The following AK4 variants were observed in gnomAD, a reference collection of about 807,000 sequenced individuals.
AK4 encodes the protein adenylate kinase 4.
A neutral mutation model predicts 24.6 loss-of-function variants in AK4; 13 were observed. The observed-to-expected ratio is 0.53, with a 90% confidence interval of 0.34 to 0.84. The LOEUF (loss-of-function observed/expected upper bound fraction) is 0.84. AK4 is among the 40% of genes least tolerant of loss of function. AK4 has a pLI of 0.01. For synonymous variants in AK4, 88 were observed against 107.0 expected (o/e 0.82, Z 1.10); for missense variants, 192 against 288.2 (o/e 0.67, Z 2.42).
At chr1:65,149,161 C>A (rs951191957) in intron 1 of AK4, 2 of 152,692 alleles carry the variant, frequency 1.3e-5, no homozygotes, top group Non-Finnish European at 2.9e-5. Flanking sequence ...CCCAGCAACT[C>A]CCCCCCCTCC....
At chr1:65,159,899 C>T (rs892527377) in intron 1 of AK4, among the ~76,000 whole-genome samples, 1 of 141,662 alleles carries the variant, frequency 7.1e-6, no homozygotes, top group Non-Finnish European at 1.5e-5. Flanking sequence ...ACCCAGGAGG[C>T]GGAGGTTGTA....
intron 2 of AK4, among the ~76,000 whole-genome samples, chr1:65,201,632 G>A (rs540490314): frequency 7.6e-4 from 116 of 152,280 alleles, no homozygotes; most frequent in African/African-American, 2.7e-3. Flanking sequence ...CAGGAGTGCC[G>A]CACAAATGGT....
chr1:65,152,362 A>ATCTCTC (rs1329529213), intron 1 of AK4, among the ~76,000 whole-genome samples: 4 of 30,792 alleles, frequency 1.3e-4, no homozygotes, highest in African/African-American at 4.0e-4. Flanking sequence ...CTCTCTCTCT[A>ATCTCTC]TATATATATA....
chr1:65,152,385 T>TATA (rs1570055740), intron 1 of AK4, among the ~76,000 whole-genome samples: 1 of 20,652 alleles, frequency 4.8e-5, no homozygotes, highest in Admixed American at 7.3e-4. Flanking sequence ...TATATATATA[T>TATA]TTTTTTTTTT....
At chr1:65,163,286 C>A (rs565887181) in intron 1 of AK4, among the ~76,000 whole-genome samples, 4 of 152,244 alleles carry the variant, frequency 2.6e-5, no homozygotes, top group Admixed American at 1.3e-4. Context: ...AGAAAAACTT[C>A]AGCCAAGTTT....
chr1:65,173,197 G>A (rs1243930477), intron 1 of AK4, among the ~76,000 whole-genome samples: 2 of 152,082 alleles, frequency 1.3e-5, no homozygotes, highest in African/African-American at 4.8e-5. Context: ...AGTCTTGGTC[G>A]TCAGTATTGA....
intron 1 of AK4, among the ~76,000 whole-genome samples, chr1:65,183,311 C>T (rs1419730017): frequency 6.6e-6 from 1 of 151,988 alleles, no homozygotes; most frequent in Admixed American, 6.6e-5. Flanking sequence ...AGTGAAGTGG[C>T]GTTATCTTGG....
chr1:65,189,650 C>G (rs571658270), intron 1 of AK4, among the ~76,000 whole-genome samples: 1 of 135,580 alleles, frequency 7.4e-6, no homozygotes, highest in African/African-American at 2.9e-5. Context: ...AAAACACATA[C>G]GCGTGCACAC....
chr1:65,177,952 C>A (rs1462685569), intron 1 of AK4, among the ~76,000 whole-genome samples: 1 of 142,034 alleles, frequency 7.0e-6, no homozygotes. Flanking sequence ...AAAAAAAAAA[C>A]ATTGCTGCAC....
intron 4 of AK4, among the ~76,000 whole-genome samples, chr1:65,225,072 G>A (rs934662608): frequency 6.6e-6 from 1 of 152,132 alleles, no homozygotes; most frequent in Non-Finnish European, 1.5e-5. Context: ...GAAACTGTTA[G>A]AACATAAGGA....
intron 1 of AK4, among the ~76,000 whole-genome samples, chr1:65,151,654 T>C (rs1649775123): frequency 6.6e-6 from 1 of 152,212 alleles, no homozygotes; most frequent in African/African-American, 2.4e-5. Context: ...TTACCGAGTC[T>C]GTATTAAAGG....
At chr1:65,192,585 C>G (rs1651340409) in intron 2 of AK4, among the ~76,000 whole-genome samples, 1 of 152,184 alleles carries the variant, frequency 6.6e-6, no homozygotes, top group African/African-American at 2.4e-5. Context: ...CTATTAGCCC[C>G]CAAAGTCTTA....
intron 1 of AK4, among the ~76,000 whole-genome samples, chr1:65,187,388 A>C (rs1299721751): frequency 6.6e-6 from 1 of 151,568 alleles, no homozygotes; most frequent in East Asian, 1.9e-4. Flanking sequence ...AGGGTAGGCA[A>C]ATCTACAGAC....
chr1:65,219,706 A>T (rs1357593489), intron 3 of AK4, among the ~76,000 whole-genome samples: 1 of 152,158 alleles, frequency 6.6e-6, no homozygotes, highest in Non-Finnish European at 1.5e-5. Context: ...AGTGTAGTAC[A>T]TTTGTTACAG....
rs541272267 is a variant in AK4, at chr1:65,171,755, G to A, written c.146-18955G>A. Among the ~76,000 whole-genome samples, 8 of 152,004 alleles carry A rather than the reference G, an allele frequency of 5.3e-5. No individual in the cohort carries two copies. The South Asian group carries it at 1.3e-3, about 24-fold the overall frequency. On this transcript the variant is annotated intron_variant, in intron 1 of 4. Transcript: ENST00000327299. ...CTGAAGATTGTCATGTCTTTAAGTC[G>A]CAAAGAAGTGGAATCTAATTATATA...
intron 1 of AK4, among the ~76,000 whole-genome samples, chr1:65,178,679 C>T (rs1017486826): frequency 2.0e-5 from 3 of 152,198 alleles, no homozygotes; most frequent in African/African-American, 7.2e-5. Context: ...AGAAGCCCAA[C>T]TCCAGTGTGG....
chr1:65,223,369 A>G lies in AK4; in HGVS notation c.439-1383A>G, dbSNP rs954905979. 5.9e-5 allele frequency among the ~76,000 whole-genome samples: 9 copies of G among 151,886 alleles called. No homozygotes were observed. In the East Asian group the frequency reaches 1.8e-3, roughly 30 times the overall value. The stretch of plus-strand genomic sequence containing the variant: ...ACACCCGGCTAATTTTTGTATTTTT[A>G]GTAGAGACGGGGTTTTGCCATGTTG... On this transcript the variant is annotated intron_variant, in intron 3 of 4. Coordinates refer to ENST00000327299, the MANE Select transcript of AK4 (RefSeq NM_013410.4).
chr1:65,213,965 A>G (rs927994401), intron 2 of AK4, among the ~76,000 whole-genome samples: 2 of 152,240 alleles, frequency 1.3e-5, no homozygotes, highest in African/African-American at 4.8e-5. Context: ...AGAGACAGCC[A>G]TCTATGAATC....
chr1:65,205,140 TAAA>T (rs1313245370), intron 2 of AK4, among the ~76,000 whole-genome samples: 1 of 152,244 alleles, frequency 6.6e-6, no homozygotes, highest in African/African-American at 2.4e-5. Flanking sequence ...TCTAATTTTT[TAAA>T]ATTAGCTAAC....
Sources: allele counts gnomAD v4.1 joint callset (sites outside exome capture counted in the v4.1 genomes callset), GRCh38; gene constraint gnomAD v4.1.1; transcripts MANE v1.5; gene names NCBI Gene and HGNC (gene_info 2026-07-23, HGNC 2026-07-21).